The following ADARB2 variants were observed in gnomAD, a reference collection of about 807,000 sequenced individuals.
ADARB2 encodes the protein adenosine deaminase RNA specific B2 (inactive).
In ADARB2, 25 loss-of-function variants were observed where a neutral mutation model predicts 62.2. The observed-to-expected ratio is 0.40, with a 90% confidence interval of 0.29 to 0.56. The LOEUF (loss-of-function observed/expected upper bound fraction) is 0.56, where lower values mean the gene tolerates loss of function less well. Among genes scored for constraint, ADARB2 ranks in the 20% least tolerant of loss-of-function variants. The pLI is 0.43. For missense variants in ADARB2, 1,071 were observed against 1,077.4 expected, an observed-to-expected ratio of 0.99 and a Z score of 0.08; for synonymous variants, 572 against 500.8, an observed-to-expected ratio of 1.14 and a Z score of -1.90.
At chr10:1,364,017 C>G in intron 2 of ADARB2, 100 bp from the exon 3 acceptor site, 1 of 1,369,920 alleles carries the variant, frequency 7.3e-7, no homozygotes, top group Non-Finnish European at 9.4e-7. Flanking sequence ...GCGACCTCGC[C>G]GCCCGCGCCC....
intron 1 of ADARB2, among the ~76,000 whole-genome samples, chr10:1,514,579 T>G (rs1338253545): frequency 1.3e-5 from 2 of 152,210 alleles, no homozygotes; most frequent in Non-Finnish European, 2.9e-5. Flanking sequence ...AGATCTGGGA[T>G]GTCCTGCACA....
intron 4 of ADARB2, among the ~76,000 whole-genome samples, chr10:1,265,951 G>T (rs1246550804): frequency 8.0e-6 from 1 of 125,604 alleles, no homozygotes; most frequent in East Asian, 2.5e-4. Context: ...CGGCCTGAGA[G>T]GGGGGCCCAG....
intron 1 of ADARB2, among the ~76,000 whole-genome samples, chr10:1,511,371 G>A (rs1010599928): frequency 1.3e-5 from 2 of 152,150 alleles, no homozygotes; most frequent in African/African-American, 2.4e-5. Flanking sequence ...AACAGAAAAG[G>A]GGGACTCTCT....
intron 6 of ADARB2, among the ~76,000 whole-genome samples, chr10:1,233,032 G>A (rs1421798943): frequency 6.6e-6 from 1 of 152,044 alleles, no homozygotes. Flanking sequence ...TTTCCCTGAA[G>A]CACCTTTTCT....
intron 2 of ADARB2, among the ~76,000 whole-genome samples, chr10:1,367,790 C>G (rs1271021020): frequency 6.6e-6 from 1 of 152,212 alleles, no homozygotes; most frequent in Non-Finnish European, 1.5e-5. Flanking sequence ...TATTGCATGA[C>G]CTTTGCTGGA....
chr10:1,209,015 G>A (rs1223190009), intron 7 of ADARB2, among the ~76,000 whole-genome samples: 4 of 152,164 alleles, frequency 2.6e-5, no homozygotes, highest in African/African-American at 9.7e-5. Context: ...TTCATCGTGG[G>A]TCCCCAGATA....
rs141887946 is a variant in ADARB2 at position 1,496,058 on chromosome 10, A to T, written c.101-116898T>A. Among the ~76,000 whole-genome samples the T allele has an allele frequency of 7.2e-5, 11 of 151,792 alleles. No homozygotes were observed. The East Asian group carries it at 1.6e-3, about 21-fold the overall frequency. ...CCTCATCACTGACATCATTATCTTCATCATCACCATCACTATTATCATCGT... is the reference window on the plus strand; with the variant it reads ...CCTCATCACTGACATCATTATCTTCTTCATCACCATCACTATTATCATCGT... On this transcript the variant is annotated intron_variant, in intron 1 of 9. Coordinates refer to ENST00000381312, the MANE Select transcript of ADARB2 (RefSeq NM_018702.4).
chr10:1,591,268 C>T (rs954041977), intron 1 of ADARB2, among the ~76,000 whole-genome samples: 50 of 152,202 alleles, frequency 3.3e-4, no homozygotes, highest in African/African-American at 1.1e-3. Flanking sequence ...GTCCCTGCCT[C>T]GGCCACACTG....
At chr10:1,486,210 CTGTGTGTGTG>C (rs61283089) in intron 1 of ADARB2, among the ~76,000 whole-genome samples, 29 of 142,950 alleles carry the variant, frequency 2.0e-4, no homozygotes, top group South Asian at 1.6e-3. Flanking sequence ...GTGTGGACGC[CTGTGTGTGTG>C]TGTGTGTGTG....
At position 1,553,063 on chromosome 10, in the gene ADARB2, G is replaced by A. The variant is rs145729351; in HGVS notation, c.101-173903C>T. 7.2e-4 allele frequency among the ~76,000 whole-genome samples: 109 copies of A among 152,284 alleles called. 3 individuals carry two copies. In the East Asian group the frequency reaches 0.018, roughly 25 times the overall value. On this transcript the variant is annotated intron_variant, in intron 1 of 9. Coordinates refer to ENST00000381312, the MANE Select transcript of ADARB2 (RefSeq NM_018702.4). ...GCAGTGTCACCCGCAGCTCCCTGCCGGAGACCCTGCCCCATTGCTGGGAGC... is the reference window on the plus strand; with the variant it reads ...GCAGTGTCACCCGCAGCTCCCTGCCAGAGACCCTGCCCCATTGCTGGGAGC...
At position 1,177,993 on chromosome 10, in the gene ADARB2, G is replaced by A. The variant is rs190884476; in HGVS notation, c.*5200C>T. The stretch of plus-strand genomic sequence containing the variant: ...TCAAAAAAGTAAATAGATCTCTAGA[G>A]ATGTGGCCACCAGCGTTCCTTCTGG... On this transcript the variant is annotated 3_prime_UTR_variant, in exon 10 of 10. Transcript: ENST00000381312. 1 of 152,370 alleles carries A rather than the reference G, an allele frequency of 6.6e-6. No homozygotes were observed. Among genetic ancestry groups the A allele is most frequent in the Non-Finnish European group, 1.5e-5 (1 of 68,040 alleles). 9.4% of individuals were successfully genotyped at this position (152,370 alleles called of 1,614,324 possible).
chr10:1,733,647 C>T (rs1239132706), intron 1 of ADARB2, among the ~76,000 whole-genome samples: 1 of 152,088 alleles, frequency 6.6e-6, no homozygotes, highest in African/African-American at 2.4e-5. Context: ...AAAAAAAACC[C>T]TTTTTCTTTA....
intron 3 of ADARB2, chr10:1,292,731 G>T (rs571620589): frequency 2.6e-5 from 4 of 152,186 alleles, no homozygotes; most frequent in Non-Finnish European, 4.4e-5. Context: ...GCCACTGCCC[G>T]CTGACGGCCC....
At chr10:1,615,585 T>C (rs574128763) in intron 1 of ADARB2, among the ~76,000 whole-genome samples, 3 of 152,234 alleles carry the variant, frequency 2.0e-5, no homozygotes, top group Non-Finnish European at 4.4e-5. Flanking sequence ...CAGACTCGAA[T>C]GGGAATTGGG....
At chr10:1,407,457 C>A (rs1205516973) in intron 1 of ADARB2, among the ~76,000 whole-genome samples, 1 of 152,208 alleles carries the variant, frequency 6.6e-6, no homozygotes, top group Non-Finnish European at 1.5e-5. Flanking sequence ...TGGCCTTTTT[C>A]TCTGCAGGGC....
chr10:1,731,153 T>C (rs1835226334), intron 1 of ADARB2, among the ~76,000 whole-genome samples: 1 of 152,100 alleles, frequency 6.6e-6, no homozygotes, highest in Admixed American at 6.6e-5. Flanking sequence ...AACATGTCAG[T>C]TTCTAAGTTG....
chr10:1,226,634 G>T (rs1589157591), intron 6 of ADARB2, among the ~76,000 whole-genome samples: 1 of 152,218 alleles, frequency 6.6e-6, no homozygotes. Flanking sequence ...TAACAGTCAG[G>T]ACCCTCAGCT....
At chr10:1,653,047 G>T (rs148680460) in intron 1 of ADARB2, among the ~76,000 whole-genome samples, 20 of 152,340 alleles carry the variant, frequency 1.3e-4, no homozygotes, top group African/African-American at 3.6e-4. Flanking sequence ...CAATCACAGA[G>T]TGCTTGGAAA....
chr10:1,414,546 G>A (rs1832785890), intron 1 of ADARB2, among the ~76,000 whole-genome samples: 1 of 152,198 alleles, frequency 6.6e-6, no homozygotes, highest in Admixed American at 6.5e-5. Flanking sequence ...ATCTCAGGTA[G>A]CAGAGCAAAT....
Sources: gnomAD v4.1 joint callset for allele counts (sites outside exome capture counted in the v4.1 genomes callset) on GRCh38, gnomAD v4.1.1 for gene constraint, MANE v1.5 for transcripts, NCBI Gene and HGNC (gene_info 2026-07-23, HGNC 2026-07-21) for gene names.